FNIP2: variants seen among roughly 807,000 people sequenced by gnomAD.
FNIP2 encodes folliculin interacting protein 2, also known as folliculin-interacting protein 2.
In FNIP2, 32 loss-of-function variants were observed where a neutral mutation model predicts 108.7. That is an observed-to-expected ratio of 0.29 (90% CI 0.22 to 0.40). The LOEUF (loss-of-function observed/expected upper bound fraction) is 0.40. Among genes scored for constraint, FNIP2 ranks in the 10% least tolerant of loss-of-function variants. The pLI, the probability that FNIP2 is intolerant of heterozygous loss-of-function variation, is 1.00. For missense variants in FNIP2, 1,202 were observed against 1,381.6 expected (o/e 0.87, Z 2.06); for synonymous variants, 480 against 496.7 (o/e 0.97, Z 0.45).
At chr4:158,805,417 G>T (rs1281235537) in intron 1 of FNIP2, among the ~76,000 whole-genome samples, 1 of 152,202 alleles carries the variant, frequency 6.6e-6, no homozygotes, top group Non-Finnish European at 1.5e-5. Flanking sequence ...AAGAATATTA[G>T]TGTCAGAAGT....
chr4:158,845,683 A>T (rs978039988), intron 7 of FNIP2, among the ~76,000 whole-genome samples: 2 of 152,224 alleles, frequency 1.3e-5, no homozygotes, highest in Admixed American at 1.3e-4. Flanking sequence ...ATTCAGATAC[A>T]CTGATGTTGA....
intron 1 of FNIP2, chr4:158,806,201 A>G: frequency 7.9e-7 from 1 of 1,271,808 alleles, no homozygotes; most frequent in Non-Finnish European, 1.0e-6. Flanking sequence ...CTCCAAGTCC[A>G]TGTTTATGGT....
intron 7 of FNIP2, among the ~76,000 whole-genome samples, chr4:158,837,149 G>T (rs1410206864): frequency 6.6e-6 from 1 of 152,170 alleles, no homozygotes; most frequent in African/African-American, 2.4e-5. Context: ...GACTTTCCTG[G>T]CAAGAAGATG....
At position 158,895,741 on chromosome 4, in the gene FNIP2, G is replaced by A; in HGVS notation, c.3151-9G>A. 1.3e-6 allele frequency: 2 copies of A among 1,560,482 alleles called. No homozygotes were observed. The highest frequency in any genetic ancestry group is 1.8e-6 in the Non-Finnish European group (2 of 1,133,444). The stretch of plus-strand genomic sequence containing the variant: ...CTAGCCCTCATTGTGAATGTTCTTG[G>A]CTTTGCAGTGCATCATGCATCTTGA... On this transcript the variant is annotated splice_polypyrimidine_tract_variant and intron_variant, in intron 15 of 16. Transcript: ENST00000264433.
chr4:158,874,082 TC>T (rs1269243720), intron 14 of FNIP2, among the ~76,000 whole-genome samples: 7 of 152,174 alleles, frequency 4.6e-5, no homozygotes, highest in African/African-American at 1.7e-4. Context: ...TGAGTTTGAG[TC>T]CTGGTATTAC....
chr4:158,901,127 AAT>A (rs1491165289), intron 16 of FNIP2, among the ~76,000 whole-genome samples: 2 of 108,528 alleles, frequency 1.8e-5, no homozygotes, highest in Non-Finnish European at 3.7e-5. Flanking sequence ...TCTGGGTTGA[AAT>A]TTTTTTTTTT....
chr4:158,866,001 A>G (rs965994577), intron 12 of FNIP2, among the ~76,000 whole-genome samples: 1 of 151,006 alleles, frequency 6.6e-6, no homozygotes, highest in African/African-American at 2.4e-5. Context: ...TCCCAGGGGG[A>G]GGTACTTTCC....
chr4:158,823,674 G>A (rs1778007320), intron 1 of FNIP2, among the ~76,000 whole-genome samples: 1 of 152,156 alleles, frequency 6.6e-6, no homozygotes, highest in Admixed American at 6.5e-5. Flanking sequence ...TCATTCTATT[G>A]CTCACCTCTA....
intron 1 of FNIP2, among the ~76,000 whole-genome samples, chr4:158,795,634 A>G (rs1250867316): frequency 1.3e-5 from 2 of 152,198 alleles, no homozygotes; most frequent in Admixed American, 6.5e-5. Context: ...TCCCTAAACC[A>G]GGGGTCCCCA....
At chr4:158,830,741 CAG>C (rs1298045606) in intron 3 of FNIP2, among the ~76,000 whole-genome samples, 1 of 152,184 alleles carries the variant, frequency 6.6e-6, no homozygotes, top group Non-Finnish European at 1.5e-5. Flanking sequence ...AGCACACTGA[CAG>C]AGAATATAGT....
intron 3 of FNIP2, 76 bp downstream of exon 3, chr4:158,829,301 C>T (rs1433192767): frequency 1.5e-6 from 2 of 1,310,092 alleles, no homozygotes; most frequent in Non-Finnish European, 2.1e-6. Context: ...GGAAATAATG[C>T]CTGCTCGAGG....
intron 16 of FNIP2, among the ~76,000 whole-genome samples, chr4:158,900,861 A>G (rs1351997738): frequency 8.5e-5 from 13 of 152,156 alleles, no homozygotes. Flanking sequence ...TTATATGTGA[A>G]TGTGATCCTG....
At chr4:158,861,321 C>A in intron 10 of FNIP2, 21 bp from the exon 11 acceptor site, 1 of 1,594,652 alleles carries the variant, frequency 6.3e-7, no homozygotes, top group Non-Finnish European at 8.5e-7. Context: ...TTTTGTGTTT[C>A]CCTCTCTTTC....
At chr4:158,851,065 A>T (rs773832980) in intron 7 of FNIP2, among the ~76,000 whole-genome samples, 8 of 151,884 alleles carry the variant, frequency 5.3e-5, no homozygotes, top group African/African-American at 1.2e-4. Flanking sequence ...TGGCATAGAT[A>T]TTTTTTTTCC....
chr4:158,833,663 T>A (rs1200292036), intron 6 of FNIP2, 35 bp downstream of exon 6: 1 of 1,551,612 alleles, frequency 6.4e-7, no homozygotes, highest in Non-Finnish European at 8.9e-7. Context: ...TCTTTCTTTC[T>A]GAATACACTA....
At chr4:158,802,423 G>A (rs1282259511) in intron 1 of FNIP2, among the ~76,000 whole-genome samples, 1 of 151,870 alleles carries the variant, frequency 6.6e-6, no homozygotes, top group Non-Finnish European at 1.5e-5. Context: ...AGAGGAGAAA[G>A]ATTCATTATT....
rs1476146960 is a variant in FNIP2 at position 158,906,659 on chromosome 4, A to ACACT, written c.*2118_*2121dup. On this transcript the variant is annotated 3_prime_UTR_variant, in exon 17 of 17. Transcript: ENST00000264433. ...GTCACATGTGGGGGCTGTCTCCGTG[A>ACACT]CACTCAGGATTCCAGTCAGAACCTA... 2.6e-5 allele frequency: 4 copies of ACACT among 152,228 alleles called. No homozygotes were observed. Among genetic ancestry groups the ACACT allele is most frequent in the African/African-American group, 9.6e-5 (4 of 41,452 alleles). The allele number at this position is 152,228 out of a possible 1,614,324, so 9.4% of individuals were successfully genotyped here.
At position 158,868,484 on chromosome 4, in the gene FNIP2, A is replaced by G. The variant is rs1421166955; in HGVS notation, c.1848A>G (p.Lys616=). 6.2e-7 allele frequency: 1 copy of G among 1,614,016 alleles called. No individual in the cohort carries two copies. Among genetic ancestry groups the G allele is most frequent in the Non-Finnish European group, 8.5e-7 (1 of 1,179,874 alleles). The change falls in exon 13 of 17, where the codon AAA becomes AAG. Residue 616 remains lysine, a synonymous_variant. Transcript: ENST00000264433. This position sits in a 1 kb window ranked among gnomAD's most constrained non-coding sequence, Gnocchi z 4.6. ...GAGACCTGGGTCTTAAACCTGACAAAGAAGCTAACAGGAGGCCAGAGCAGG... is the reference window on the plus strand; with the variant it reads ...GAGACCTGGGTCTTAAACCTGACAAGGAAGCTAACAGGAGGCCAGAGCAGG... ...DSRDLGLKPD[K]EANRRPEQGS... is the part of the protein sequence containing the mutation.
At chr4:158,885,550 G>A (rs1320929472) in intron 14 of FNIP2, among the ~76,000 whole-genome samples, 5 of 152,196 alleles carry the variant, frequency 3.3e-5, no homozygotes, top group Non-Finnish European at 5.9e-5. Flanking sequence ...GTGAGCTCCT[G>A]AGTCTGAGGT....
Sources: gnomAD v4.1 joint callset for allele counts (sites outside exome capture counted in the v4.1 genomes callset) on GRCh38, gnomAD v4.1.1 for gene constraint, Gnocchi (gnomAD v3.1) non-coding constraint, MANE v1.5 for transcripts, NCBI Gene and HGNC (gene_info 2026-07-23, HGNC 2026-07-21) for gene names.